The following TSKS variants were observed in gnomAD, a reference collection of about 807,000 sequenced individuals.
TSKS encodes testis-specific serine kinase substrate.
TSKS carries 27 observed loss-of-function variants against 68.0 expected under a neutral mutation model. The ratio of observed to expected loss-of-function variants is 0.40; its 90% confidence interval spans 0.29 to 0.55. TSKS has a LOEUF of 0.55. Among genes scored for constraint, TSKS ranks in the 20% least tolerant of loss-of-function variants. The pLI, the probability that TSKS is intolerant of heterozygous loss-of-function variation, is 0.53. For synonymous variants in TSKS, 331 were observed against 340.4 expected (o/e 0.97, Z 0.30); for missense variants, 806 against 776.0 (o/e 1.04, Z -0.46).
At chr19:49,740,010 T>C in intron 10 of TSKS, 49 bp downstream of exon 10, 1 of 1,612,516 alleles carries the variant, frequency 6.2e-7, no homozygotes, top group Non-Finnish European at 8.5e-7. Context: ...GATCAGGCCC[T>C]TTCCCCAAGA....
rs549280721 is a variant in TSKS at position 49,751,568 on chromosome 19, A to C, written c.400-3099T>G. Among the ~76,000 whole-genome samples the C allele has an allele frequency of 9.2e-5, 14 of 152,246 alleles. No homozygotes were observed. The South Asian group carries it at 2.9e-3, about 32-fold the overall frequency. On this transcript the variant is annotated intron_variant, in intron 2 of 10. Coordinates refer to ENST00000246801, the MANE Select transcript of TSKS (RefSeq NM_021733.2). ...GAAAATAACAGCCCACATTTCCCACAGGGAGGAAGCAGAATGAAGCTAGAA... is the reference window on the plus strand; with the variant it reads ...GAAAATAACAGCCCACATTTCCCACCGGGAGGAAGCAGAATGAAGCTAGAA...
intron 4 of TSKS, 107 bp from the exon 5 acceptor site, chr19:49,747,579 T>A: frequency 9.2e-7 from 1 of 1,082,330 alleles, no homozygotes; most frequent in Non-Finnish European, 1.4e-6. Flanking sequence ...AGCCCCCCAG[T>A]ACAAGACACA....
rs779151746 is a variant in TSKS at position 49,745,250 on chromosome 19, G to A, written c.1139C>T (p.Ala380Val). Residue 380 changes from alanine (A) to valine (V), a missense_variant, in exon 7 of 11, where the codon GCG becomes GTG. By Grantham distance (64) the Ala-to-Val change is moderately conservative (BLOSUM62 0). Transcript: ENST00000246801. ...ACCTCGCAGCTCCTGCAAGTCCCGC[G>A]CCGTCTGTGCCTGTTCGCGCTGTGC... ...ERAQREQAQT[A>V]RDLQELRGRA... The A allele has an allele frequency of 2.9e-5, 46 of 1,607,020 alleles. No individual in the cohort carries two copies. In the South Asian group the frequency reaches 4.3e-4, roughly 15 times the overall value.
Position 49,757,186 on chromosome 19 carries a change from C to T in TSKS, c.399+4818G>A, listed in dbSNP as rs138740775. ...ATAGCCTCAATGTCATAAGCAGCCA[C>T]CTATGAAGAGGCCCATGTAGCAAGG... On this transcript the variant is annotated intron_variant, in intron 2 of 10. Coordinates refer to ENST00000246801, the MANE Select transcript of TSKS (RefSeq NM_021733.2). Among the ~76,000 whole-genome samples the T allele has an allele frequency of 3.8e-3, 578 of 152,300 alleles. 3 individuals carry two copies. The highest frequency in any genetic ancestry group is 6.9e-3 in the Non-Finnish European group (468 of 68,020).
At chr19:49,758,303 C>T (rs2084410305) in intron 2 of TSKS, among the ~76,000 whole-genome samples, 1 of 152,122 alleles carries the variant, frequency 6.6e-6, no homozygotes, top group South Asian at 2.1e-4. Context: ...CTCCTGCTGC[C>T]CCCCTCACCT....
At chr19:49,742,060 C>T (rs757163646) in intron 8 of TSKS, 40 bp from the exon 9 acceptor site, 1 of 1,607,692 alleles carries the variant, frequency 6.2e-7, no homozygotes, top group Admixed American at 1.7e-5. Context: ...GGCCCAGTAC[C>T]AACTCCAGGA....
chr19:49,745,837 C>A (rs2084293979), intron 6 of TSKS, among the ~76,000 whole-genome samples: 1 of 152,178 alleles, frequency 6.6e-6, no homozygotes, highest in African/African-American at 2.4e-5. Flanking sequence ...CAGGTCACTG[C>A]CTTCGGGGCA....
chr19:49,762,982 C>G (rs1046803126), intron 1 of TSKS, 96 bp downstream of exon 1: 2 of 1,470,262 alleles, frequency 1.4e-6, no homozygotes, highest in Non-Finnish European at 1.8e-6. Flanking sequence ...TGGCTTTTCC[C>G]CCTCCCCTTC....
At chr19:49,753,561 C>CAAT (rs59369964) in intron 2 of TSKS, among the ~76,000 whole-genome samples, 12,097 of 136,030 alleles carry the variant, frequency 0.089, 637 homozygotes, top group Non-Finnish European at 0.11. Context: ...GACTCCATCT[C>CAAT]AATAATAATA....
At position 49,739,899 on chromosome 19, in the gene TSKS, C is replaced by T; in HGVS notation, c.1656G>A (p.Leu552=). The T allele has an allele frequency of 6.2e-7, 1 of 1,613,928 alleles. No individual in the cohort carries two copies. Among genetic ancestry groups the T allele is most frequent in the Non-Finnish European group, 8.5e-7 (1 of 1,179,930 alleles). ...GATGATCGTGGAGGGAGCACATCTT[C>T]AAGTGTAGATGGTCCAGAGTGGCCA... is the stretch of plus-strand genomic sequence containing the variant. ...EKMATLDHLH[L]KMCSLHDHLS... is the part of the protein sequence containing the mutation. The change falls in exon 11 of 11, where the codon TTG becomes TTA. Residue 552 remains leucine, a synonymous_variant. Transcript: ENST00000246801.
intron 2 of TSKS, among the ~76,000 whole-genome samples, chr19:49,760,637 ATTT>A (rs59855631): frequency 6.6e-6 from 1 of 151,532 alleles, no homozygotes; most frequent in Non-Finnish European, 1.5e-5. Context: ...CCTACAAAAA[ATTT>A]TTTTTTAATC....
chr19:49,741,744 G>A, intron 9 of TSKS, 141 bp downstream of exon 9: 1 of 1,154,040 alleles, frequency 8.7e-7, no homozygotes, highest in Non-Finnish European at 1.3e-6. Context: ...TTAGGGCCAA[G>A]TCCTCCCCCA....
At chr19:49,745,107 G>A in intron 7 of TSKS, 95 bp downstream of exon 7, 1 of 1,260,192 alleles carries the variant, frequency 7.9e-7, no homozygotes, top group South Asian at 1.6e-5. Flanking sequence ...CCTGGCCATA[G>A]CTGATTGGCC....
intron 9 of TSKS, 37 bp downstream of exon 9, chr19:49,741,848 A>G (rs2084254860): frequency 6.2e-7 from 1 of 1,613,308 alleles, no homozygotes; most frequent in Admixed American, 1.7e-5. Flanking sequence ...CCAACAGAAA[A>G]GTAAAGTGGG....
In TSKS at chr19:49,742,030, G is replaced by A. The variant is rs766850616; in HGVS notation, c.1362-10C>T. On this transcript the variant is annotated splice_polypyrimidine_tract_variant and intron_variant, in intron 8 of 10. Coordinates refer to ENST00000246801, the MANE Select transcript of TSKS (RefSeq NM_021733.2). The stretch of plus-strand genomic sequence containing the variant: ...CAACTGCGACCCCTGGCTGGGGGAG[G>A]GGCGGTCACCAGATAAAGAGGCCCA... The A allele has an allele frequency of 2.9e-5, 46 of 1,613,022 alleles. 1 individual carries two copies. The highest frequency in any genetic ancestry group is 3.2e-5 in the Non-Finnish European group (38 of 1,179,914).
intron 2 of TSKS, among the ~76,000 whole-genome samples, chr19:49,749,202 C>T (rs2084328316): frequency 6.6e-6 from 1 of 152,182 alleles, no homozygotes; most frequent in Admixed American, 6.6e-5. Flanking sequence ...AAGCACTTGT[C>T]TTGTCTTTTA....
chr19:49,745,930 T>A (rs2084294977), intron 6 of TSKS, among the ~76,000 whole-genome samples: 1 of 152,138 alleles, frequency 6.6e-6, no homozygotes, highest in Non-Finnish European at 1.5e-5. Context: ...ACGCCTGTAA[T>A]CCTAGCACTT....
rs774484212 is a variant in TSKS at position 49,739,852 on chromosome 19, C to T, written c.1703G>A (p.Gly568Glu). Residue 568 changes from glycine to glutamate, a missense_variant, in exon 11 of 11, where the codon GGG (glycine) becomes GAG (glutamate). Coordinates refer to ENST00000246801, the MANE Select transcript of TSKS (RefSeq NM_021733.2). ...GCCTCCCCCCATTGTTCCCGTGGAC[C>T]CCTCAAGTGGCAGGTTGCTGAGATG... ...HDHLSNLPLEGSTGTMGGGSS... is the reference protein window; with the variant it reads ...HDHLSNLPLEESTGTMGGGSS... 4 of 1,613,886 alleles carry T rather than the reference C, an allele frequency of 2.5e-6. No individual in the cohort carries two copies. In the African/African-American group the frequency reaches 5.3e-5, roughly 22 times the overall value.
chr19:49,759,024 A>G (rs2123630184), intron 2 of TSKS, among the ~76,000 whole-genome samples: 1 of 151,752 alleles, frequency 6.6e-6, no homozygotes, highest in Non-Finnish European at 1.5e-5. Context: ...CGTCCGGCTA[A>G]TTGTATATTT....
Sources: allele counts gnomAD v4.1 joint callset (sites outside exome capture counted in the v4.1 genomes callset), GRCh38; gene constraint gnomAD v4.1.1; transcripts MANE v1.5; gene names NCBI Gene and HGNC (gene_info 2026-07-23, HGNC 2026-07-21).